Variants in FBXO16 observed in about 807,000 individuals in gnomAD.
FBXO16 encodes F-box only protein 16.
Under a neutral mutation model 41.0 loss-of-function variants are expected in FBXO16, and 31 were observed. The ratio of observed to expected loss-of-function variants is 0.76; its 90% CI spans 0.57 to 1.02. The LOEUF is 1.02. Ranked by LOEUF, FBXO16 falls within the 50% of genes least tolerant of loss-of-function variation. The pLI is 0.00. For missense variants in FBXO16, 361 were observed against 346.2 expected, an observed-to-expected ratio of 1.04 and a Z score of -0.34; for synonymous variants, 133 against 117.8, an observed-to-expected ratio of 1.13 and a Z score of -0.84.
chr8:28,447,002 T>C (rs1802874652), intron 7 of FBXO16, 169 bp downstream of exon 7: 1 of 568,702 alleles, frequency 1.8e-6, no homozygotes, highest in Non-Finnish European at 3.1e-6. Context: ...TTAAATAAAG[T>C]GTATCTTCAA....
chr8:28,445,200 C>T (rs1802844938), intron 7 of FBXO16, among the ~76,000 whole-genome samples: 1 of 152,156 alleles, frequency 6.6e-6, no homozygotes, highest in Admixed American at 6.5e-5. Context: ...TAGACAGATA[C>T]AATCATGAGT....
At chr8:28,466,596 C>T (rs1471766770) in intron 3 of FBXO16, among the ~76,000 whole-genome samples, 1 of 150,874 alleles carries the variant, frequency 6.6e-6, no homozygotes, top group Admixed American at 6.6e-5. Flanking sequence ...TCGAGACCAT[C>T]CTGGCTGACA....
At chr8:28,451,319 G>T (rs1802948791) in intron 6 of FBXO16, among the ~76,000 whole-genome samples, 1 of 151,688 alleles carries the variant, frequency 6.6e-6, no homozygotes, top group Non-Finnish European at 1.5e-5. Context: ...TGGTGTGTTT[G>T]TCAAAGAACC....
chr8:28,436,875 C>T (rs533226783), intron 7 of FBXO16, among the ~76,000 whole-genome samples: 19 of 152,258 alleles, frequency 1.2e-4, no homozygotes, highest in African/African-American at 4.6e-4. Flanking sequence ...CCTGAGCCTC[C>T]CCAGTAGCTG....
intron 2 of FBXO16, among the ~76,000 whole-genome samples, chr8:28,474,833 T>C (rs1188298188): frequency 6.6e-6 from 1 of 152,210 alleles, no homozygotes; most frequent in African/African-American, 2.4e-5. Context: ...AGAATGTGAT[T>C]GTGAGAATGA....
intron 6 of FBXO16, chr8:28,448,914 C>T (rs141164930): frequency 5.2e-4 from 79 of 152,198 alleles, no homozygotes; most frequent in African/African-American, 1.7e-3. Flanking sequence ...GACCATATGC[C>T]CTGCAAAGAC....
At chr8:28,463,891 A>G (rs887681751) in intron 3 of FBXO16, 73 bp from the exon 4 acceptor site, 1 of 1,366,398 alleles carries the variant, frequency 7.3e-7, no homozygotes, top group Non-Finnish European at 1.0e-6. Context: ...TACGAGTAAG[A>G]CATGACAATG....
intron 7 of FBXO16, among the ~76,000 whole-genome samples, chr8:28,438,431 T>C (rs1013157568): frequency 1.3e-5 from 2 of 152,160 alleles, no homozygotes; most frequent in Non-Finnish European, 2.9e-5. Flanking sequence ...GAGACTCTTG[T>C]TCTATGGGCC....
chr8:28,476,535 A>G (rs955061868), intron 2 of FBXO16, among the ~76,000 whole-genome samples: 4 of 152,222 alleles, frequency 2.6e-5, no homozygotes, highest in African/African-American at 9.6e-5. Context: ...AAGAGCTGGA[A>G]AACAAAGTAT....
intron 5 of FBXO16, among the ~76,000 whole-genome samples, chr8:28,456,056 T>C (rs1803033129): frequency 6.6e-6 from 1 of 152,208 alleles, no homozygotes; most frequent in African/African-American, 2.4e-5. Context: ...AACTCATCTA[T>C]TGTATGAAAT....
intron 5 of FBXO16, among the ~76,000 whole-genome samples, chr8:28,453,984 T>C (rs1161857329): frequency 6.6e-6 from 1 of 151,812 alleles, no homozygotes; most frequent in African/African-American, 2.4e-5. Flanking sequence ...GCCAACATGG[T>C]GAAACCCCGT....
intron 3 of FBXO16, among the ~76,000 whole-genome samples, chr8:28,465,627 A>T (rs140221020): frequency 1.4e-4 from 22 of 152,204 alleles, no homozygotes; most frequent in East Asian, 7.7e-4. Context: ...AAAATAAAAA[A>T]AAAATAAAAA....
intron 7 of FBXO16, among the ~76,000 whole-genome samples, chr8:28,444,039 T>A (rs940027281): frequency 3.9e-5 from 6 of 152,164 alleles, no homozygotes; most frequent in Non-Finnish European, 7.3e-5. Context: ...AGGTTCTTAA[T>A]AAACTTGCTT....
chr8:28,484,025 T>C (rs1319484281), intron 1 of FBXO16, among the ~76,000 whole-genome samples: 2 of 152,144 alleles, frequency 1.3e-5, no homozygotes, highest in Admixed American at 6.5e-5. Context: ...ATTTGGCTTA[T>C]TGATGTTACC....
At chr8:28,442,007 G>A (rs543005024) in intron 7 of FBXO16, among the ~76,000 whole-genome samples, 2 of 144,206 alleles carry the variant, frequency 1.4e-5, no homozygotes, top group Non-Finnish European at 1.5e-5. Flanking sequence ...GCAGTGGCGC[G>A]ATCTCAGCTC....
chr8:28,429,329 C>A (rs755028680), intron 8 of FBXO16, 49 bp downstream of exon 8: 4 of 1,600,778 alleles, frequency 2.5e-6, no homozygotes, highest in Non-Finnish European at 3.4e-6. Flanking sequence ...TGCACACGAT[C>A]TCTCTAAAAA....
intron 7 of FBXO16, among the ~76,000 whole-genome samples, chr8:28,441,869 TG>T (rs1453770054): frequency 4.8e-5 from 7 of 147,154 alleles, no homozygotes; most frequent in African/African-American, 1.8e-4. Flanking sequence ...TATATATGTG[TG>T]TTTATATATA....
At chr8:28,467,640 TGCATTGA>T (rs1220020903) in intron 3 of FBXO16, among the ~76,000 whole-genome samples, 2 of 152,230 alleles carry the variant, frequency 1.3e-5, no homozygotes, top group African/African-American at 2.4e-5. Context: ...GGATGGAAAG[TGCATTGA>T]GAATAAATGA....
chr8:28,430,198 G>A lies in FBXO16; in HGVS notation c.844-795C>T, dbSNP rs185744757. 2.9e-4 allele frequency among the ~76,000 whole-genome samples: 44 copies of A among 152,158 alleles called. No homozygotes were observed. The East Asian group carries it at 6.7e-3, about 23-fold the overall frequency. ...AGCAATCCTCCCACCTCAGCCTCCC[G>A]AGTAGCTGGGACTACAGGTATGCAC... On this transcript the variant is annotated intron_variant, in intron 7 of 8. Coordinates refer to ENST00000380254, the MANE Select transcript of FBXO16 (RefSeq NM_172366.4).
Sources: gnomAD v4.1 joint callset for allele counts (sites outside exome capture counted in the v4.1 genomes callset) on GRCh38, gnomAD v4.1.1 for gene constraint, MANE v1.5 for transcripts, NCBI Gene and HGNC (gene_info 2026-07-23, HGNC 2026-07-21) for gene names.